Variants in ASB15 observed in about 807,000 individuals in gnomAD.
ASB15 encodes the protein ankyrin repeat and SOCS box protein 15.
ASB15 carries 54 observed loss-of-function variants against 58.0 expected under a neutral mutation model. The observed-to-expected ratio is 0.93, with a 90% CI of 0.75 to 1.17. The LOEUF (loss-of-function observed/expected upper bound fraction) is 1.17, where lower values mean the gene tolerates loss of function less well. Among genes scored for constraint, ASB15 ranks in the 50% most tolerant of loss-of-function variants. The pLI is 0.00. For missense variants in ASB15, 680 were observed against 707.4 expected (o/e 0.96, Z 0.44); for synonymous variants, 249 against 262.4 (o/e 0.95, Z 0.50).
rs771342382 is a variant in ASB15 at position 123,624,814 on chromosome 7, G to T, written c.697G>T (p.Gly233Cys). 1.2e-6 allele frequency: 2 copies of T among 1,613,156 alleles called. No homozygotes were observed. The highest frequency in any genetic ancestry group is 3.3e-5 in the Admixed American group (2 of 59,898). Residue 233 changes from glycine to cysteine, a missense_variant and splice_region_variant, in exon 8 of 12, where the codon GGT becomes TGT. Physicochemically the swap from Gly to Cys is radical, Grantham distance 159. Transcript: ENST00000451215. The stretch of plus-strand genomic sequence containing the variant: ...CGTGTTAGAACATCTAATCCACAAA[G>T]GTATGTGAAAAGGAGTTACACTTCC... ...CDVLEHLIHKGGDVLALADDG... is the reference protein window; with the variant it reads ...CDVLEHLIHKCGDVLALADDG...
intron 1 of ASB15, among the ~76,000 whole-genome samples, chr7:123,594,011 C>T (rs1209343270): frequency 6.6e-6 from 1 of 152,008 alleles, no homozygotes; most frequent in African/African-American, 2.4e-5. Flanking sequence ...CTTGTCTTCT[C>T]GCTTTATTTC....
rs1269633798 is a variant in ASB15, at chr7:123,627,248, C to T, written c.836C>T (p.Pro279Leu). 1 of 1,613,842 alleles carries T rather than the reference C, an allele frequency of 6.2e-7. No individual in the cohort carries two copies. Among genetic ancestry groups the T allele is most frequent in the Non-Finnish European group, 8.5e-7 (1 of 1,179,848 alleles). Residue 279 changes from proline (P) to leucine (L), a missense_variant, in exon 9 of 12, where the codon CCT becomes CTT. By Grantham distance (98) the Pro-to-Leu change is moderately conservative. Coordinates refer to ENST00000451215, the MANE Select transcript of ASB15 (RefSeq NM_001290258.2). ...GNVPNRAGHL[P>L]IHRAAYEGHY... ...GTACCTAACCGAGCAGGACATCTTC[C>T]TATACACCGAGCTGCCTATGAGGGG...
intron 7 of ASB15, among the ~76,000 whole-genome samples, chr7:123,620,873 T>C (rs2116576535): frequency 6.6e-6 from 1 of 152,002 alleles, no homozygotes; most frequent in African/African-American, 2.4e-5. Flanking sequence ...GTGACCTATA[T>C]TATTTTTTAA....
chr7:123,568,739 A>T (rs1363095913), intron 1 of ASB15, among the ~76,000 whole-genome samples: 1 of 152,150 alleles, frequency 6.6e-6, no homozygotes, highest in Non-Finnish European at 1.5e-5. Context: ...ATAAATATGC[A>T]TTATTAATGT....
At chr7:123,576,177 T>C (rs71574749) in intron 1 of ASB15, among the ~76,000 whole-genome samples, 3 of 151,702 alleles carry the variant, frequency 2.0e-5, no homozygotes, top group Non-Finnish European at 2.9e-5. Context: ...TTTTTTATGG[T>C]CCTGTAATCC....
At chr7:123,577,398 T>G (rs1335575084) in intron 1 of ASB15, among the ~76,000 whole-genome samples, 1 of 152,190 alleles carries the variant, frequency 6.6e-6, no homozygotes, top group Admixed American at 6.5e-5. Flanking sequence ...CAGTTTCCCT[T>G]CCTTTAACAG....
upstream of ASB15, among the ~76,000 whole-genome samples, chr7:123,597,493 G>A (rs551917216): frequency 1.6e-4 from 25 of 152,248 alleles, no homozygotes; most frequent in South Asian, 3.1e-3. Context: ...ATAGAGTTCT[G>A]TATTATTTGT....
chr7:123,628,669 T>C (rs1316208118), intron 9 of ASB15, among the ~76,000 whole-genome samples, 195 bp from the exon 10 acceptor site: 2 of 152,176 alleles, frequency 1.3e-5, no homozygotes, highest in Non-Finnish European at 2.9e-5. Context: ...AAAAGCTAAA[T>C]CAAAACTGAG....
rs551141285 is a variant in ASB15 at position 123,614,688 on chromosome 7, C to T, written c.107+79C>T. On this transcript the variant is annotated intron_variant, in intron 4 of 11. Coordinates refer to ENST00000451215, the MANE Select transcript of ASB15 (RefSeq NM_001290258.2). ...TTGTAAGATAAAATGAATACCGTTT[C>T]CTAATTCCTCCTCTAGGAAAATTGA... The T allele has an allele frequency of 2.7e-4, 241 of 901,162 alleles. 1 individual carries two copies. In the South Asian group the frequency reaches 3.0e-3, roughly 11 times the overall value. The allele number at this position is 901,162 out of a possible 1,614,324, so 55.8% of individuals were successfully genotyped here.
At chr7:123,636,494 A>G (rs1437290865) in intron 11 of ASB15, among the ~76,000 whole-genome samples, 1 of 152,170 alleles carries the variant, frequency 6.6e-6, no homozygotes, top group African/African-American at 2.4e-5. Context: ...CTAAAAAATA[A>G]AGAAGAGATG....
Position 123,629,380 on chromosome 7 carries a change from G to T in ASB15, c.1386G>T (p.Glu462Asp). 2 of 1,613,780 alleles carry T rather than the reference G, an allele frequency of 1.2e-6. No individual in the cohort carries two copies. Among genetic ancestry groups the T allele is most frequent in the Non-Finnish European group, 1.7e-6 (2 of 1,179,984 alleles). ...DIFGNSFVWS[E>D]IQEEVLPGWT... Reference sequence around the variant, plus strand: ...TTGGAAATTCATTTGTGTGGTCAGAGATACAGGAAGAGGTGCTGCCAGGAT... The same window carrying T: ...TTGGAAATTCATTTGTGTGGTCAGATATACAGGAAGAGGTGCTGCCAGGAT... The change falls in exon 10 of 12, where the codon GAG (glutamate) becomes GAT (aspartate). Residue 462 changes from glutamate to aspartate, a missense_variant. Glu to Asp is a conservative substitution (Grantham distance 45, BLOSUM62 2). Coordinates refer to ENST00000451215, the MANE Select transcript of ASB15 (RefSeq NM_001290258.2).
chr7:123,596,995 A>T (rs1353088284), upstream of ASB15, among the ~76,000 whole-genome samples: 1 of 152,226 alleles, frequency 6.6e-6, no homozygotes, highest in South Asian at 2.1e-4. Flanking sequence ...CACTACTGAG[A>T]TATGTAAGAA....
chr7:123,587,743 C>CA (rs1055986526), intron 1 of ASB15, among the ~76,000 whole-genome samples: 22 of 151,484 alleles, frequency 1.5e-4, no homozygotes, highest in African/African-American at 3.1e-4. Context: ...TTTTTAATAT[C>CA]AAAAAAGATG....
intron 9 of ASB15, 70 bp from the exon 10 acceptor site, chr7:123,628,794 T>G (rs1801959172): frequency 9.3e-7 from 1 of 1,069,700 alleles, no homozygotes; most frequent in Non-Finnish European, 1.3e-6. Flanking sequence ...ACTTATCTAG[T>G]GAGAACGGTA....
At chr7:123,588,771 T>C (rs1799447016) in intron 1 of ASB15, among the ~76,000 whole-genome samples, 1 of 151,760 alleles carries the variant, frequency 6.6e-6, no homozygotes, top group South Asian at 2.1e-4. Flanking sequence ...GTGTTCTATG[T>C]CCATTTTTGT....
chr7:123,609,183 T>G (rs548079772), intron 3 of ASB15: 3 of 147,944 alleles, frequency 2.0e-5, no homozygotes, highest in African/African-American at 7.4e-5. Flanking sequence ...GGGTTTCTAT[T>G]TGGGCTGGCC....
Position 123,594,962 on chromosome 7 carries a change from G to A in ASB15, c.-442-9070G>A, listed in dbSNP as rs139206650. ...TCCACCCAGTTCGAGCTTCCCTGCC[G>A]CTTTGTTTACACTGTGAGCATAAAA... is the stretch of plus-strand genomic sequence containing the variant. On this transcript the variant is annotated intron_variant, in intron 1 of 13. Coordinates refer to the ASB15 transcript ENST00000451558. 2.4e-3 allele frequency among the ~76,000 whole-genome samples: 363 copies of A among 152,248 alleles called. 1 individual carries two copies. Among genetic ancestry groups the A allele is most frequent in the African/African-American group, 8.0e-3 (331 of 41,562 alleles).
intron 11 of ASB15, among the ~76,000 whole-genome samples, chr7:123,636,406 G>T (rs1379182717): frequency 1.3e-5 from 2 of 152,166 alleles, no homozygotes; most frequent in South Asian, 2.1e-4. Context: ...ATGTTTCATG[G>T]ATAGTTATTT....
intron 1 of ASB15, among the ~76,000 whole-genome samples, chr7:123,591,427 G>T (rs1017493353): frequency 1.3e-5 from 2 of 152,118 alleles, no homozygotes; most frequent in African/African-American, 4.8e-5. Flanking sequence ...TAACATATTG[G>T]CTGTGGGTTT....
Sources: allele counts gnomAD v4.1 joint callset (sites outside exome capture counted in the v4.1 genomes callset), GRCh38; gene constraint gnomAD v4.1.1; transcripts MANE v1.5; gene names NCBI Gene and HGNC (gene_info 2026-07-23, HGNC 2026-07-21).